Variants in IKZF1 observed in about 807,000 individuals in gnomAD.
IKZF1 encodes DNA-binding protein Ikaros.
A neutral mutation model predicts 51.7 loss-of-function variants in IKZF1; 10 were observed. That is an observed-to-expected ratio of 0.19 (90% confidence interval 0.12 to 0.33). The LOEUF is 0.33. IKZF1 is among the 10% of genes least tolerant of loss of function. The probability of loss-of-function intolerance (pLI) is 1.00; values close to 1 mark genes in which losing one functional copy is unlikely to be tolerated. For synonymous variants in IKZF1, 280 were observed against 282.3 expected (o/e 0.99, Z 0.08); for missense variants, 484 against 707.5 (o/e 0.68, Z 3.58).
At chr7:50,355,084 C>T (rs946687249) in intron 3 of IKZF1, among the ~76,000 whole-genome samples, 1 of 152,108 alleles carries the variant, frequency 6.6e-6, no homozygotes, top group Non-Finnish European at 1.5e-5. Flanking sequence ...GATGACCAGC[C>T]TCATGCCTCT....
chr7:50,320,371 A>G (rs1365198740), intron 2 of IKZF1, among the ~76,000 whole-genome samples: 2 of 152,222 alleles, frequency 1.3e-5, no homozygotes, highest in East Asian at 1.9e-4. Flanking sequence ...TATACAATGT[A>G]TAGTAATCGG....
chr7:50,382,801 A>G, intron 5 of IKZF1, 94 bp downstream of exon 5: 1 of 1,434,324 alleles, frequency 7.0e-7, no homozygotes, highest in Non-Finnish European at 9.3e-7. Flanking sequence ...TTGCTGGCTA[A>G]CCCTGAGTCC....
chr7:50,370,515 C>T (rs1236625845), intron 3 of IKZF1, among the ~76,000 whole-genome samples: 1 of 152,198 alleles, frequency 6.6e-6, no homozygotes, highest in East Asian at 1.9e-4. Context: ...TGGGGTCTCT[C>T]TTAGTACTGT....
intron 3 of IKZF1, among the ~76,000 whole-genome samples, chr7:50,334,033 C>T (rs997532361): frequency 6.6e-6 from 1 of 152,236 alleles, no homozygotes; most frequent in Non-Finnish European, 1.5e-5. Context: ...CATCATGTAA[C>T]AGGTTCATTG....
At chr7:50,337,534 C>T (rs1027156278) in intron 3 of IKZF1, among the ~76,000 whole-genome samples, 38 of 152,308 alleles carry the variant, frequency 2.5e-4, no homozygotes, top group Non-Finnish European at 4.9e-4. Flanking sequence ...CGTCACCACT[C>T]GTAGATGAAG....
At chr7:50,307,913 A>C (rs893433289) in intron 1 of IKZF1, among the ~76,000 whole-genome samples, 7 of 152,194 alleles carry the variant, frequency 4.6e-5, no homozygotes, top group African/African-American at 1.7e-4. Context: ...AGCTGTTTTT[A>C]CTGTAGTGCT....
Position 50,400,081 on chromosome 7 carries a change from C to T in IKZF1, c.1014C>T (p.Ser338=), listed in dbSNP as rs775109088. 6.3e-7 allele frequency: 1 copy of T among 1,580,440 alleles called. No individual in the cohort carries two copies. Among genetic ancestry groups the T allele is most frequent in the South Asian group, 1.2e-5 (1 of 86,744 alleles). Residue 338 remains serine (S), a synonymous_variant, in exon 8 of 8, where the codon TCC becomes TCT. Transcript: ENST00000331340. The surrounding 1 kb of genome is among the most constrained non-coding windows in gnomAD (Gnocchi z 5.4). The stretch of plus-strand genomic sequence containing the variant: ...TGGTGCAGACGCCCCCGGGCGGTTC[C>T]GAGGTGGTCCCGGTCATCAGCCCGA... ...RPLVQTPPGG[S]EVVPVISPMY...
At chr7:50,367,396 T>A (rs1584818574) in intron 3 of IKZF1, among the ~76,000 whole-genome samples, 2 of 152,288 alleles carry the variant, frequency 1.3e-5, no homozygotes, top group South Asian at 4.1e-4. Context: ...GCTGGGAAAC[T>A]GTCCTGTGAA....
chr7:50,307,900 C>G (rs1789193735), intron 1 of IKZF1, among the ~76,000 whole-genome samples: 1 of 152,120 alleles, frequency 6.6e-6, no homozygotes, highest in Admixed American at 6.5e-5. Context: ...TCGACAGTAA[C>G]AAAGCTGTTT....
chr7:50,356,816 GCA>G (rs1803550262), intron 3 of IKZF1, among the ~76,000 whole-genome samples: 1 of 152,122 alleles, frequency 6.6e-6, no homozygotes, highest in Admixed American at 6.5e-5. Flanking sequence ...TGACACACAA[GCA>G]CAGTGTCACA....
Position 50,400,062 on chromosome 7 carries a change from A to C in IKZF1, c.995A>C (p.Gln332Pro). Residue 332 changes from glutamine to proline, a missense_variant, in exon 8 of 8, where the codon CAG (glutamine) becomes CCG (proline). Physicochemically the swap from Gln to Pro is moderately conservative, Grantham distance 76. Around this residue, in one of 6 missense-constraint regions of IKZF1, gnomAD observed 172 missense variants for 192.7 expected, o/e 0.89. Transcript: ENST00000331340. This position sits in a 1 kb window ranked among gnomAD's most constrained non-coding sequence, Gnocchi z 5.4. ...GCCGAGTCCCTGCGCCCGCTGGTGCAGACGCCCCCGGGCGGTTCCGAGGTG... is the reference window on the plus strand; with the variant it reads ...GCCGAGTCCCTGCGCCCGCTGGTGCCGACGCCCCCGGGCGGTTCCGAGGTG... ...LGAESLRPLV[Q>P]TPPGGSEVVP... 6.2e-7 allele frequency: 1 copy of C among 1,601,296 alleles called. No individual in the cohort carries two copies. Among genetic ancestry groups the C allele is most frequent in the South Asian group, 1.1e-5 (1 of 88,974 alleles).
At chr7:50,320,588 C>T (rs1313132140) in intron 2 of IKZF1, among the ~76,000 whole-genome samples, 1 of 152,166 alleles carries the variant, frequency 6.6e-6, no homozygotes, top group African/African-American at 2.4e-5. Context: ...TTCCACTCCC[C>T]CGACCTTTCC....
At chr7:50,357,353 C>A (rs1050678901) in intron 3 of IKZF1, among the ~76,000 whole-genome samples, 51 of 150,152 alleles carry the variant, frequency 3.4e-4, no homozygotes, top group Non-Finnish European at 5.8e-4. Flanking sequence ...CCACCACCCC[C>A]CCACCGCCAA....
At chr7:50,312,016 T>C (rs1790301073) in intron 1 of IKZF1, among the ~76,000 whole-genome samples, 1 of 152,150 alleles carries the variant, frequency 6.6e-6, no homozygotes, top group South Asian at 2.1e-4. Flanking sequence ...TTAGAGGCAG[T>C]TTCTGTGTTT....
intron 3 of IKZF1, among the ~76,000 whole-genome samples, chr7:50,345,053 A>G (rs1385431462): frequency 2.0e-5 from 3 of 152,036 alleles, no homozygotes; most frequent in Non-Finnish European, 4.4e-5. Flanking sequence ...AGGAATGAAT[A>G]TTTTAAGCTT....
chr7:50,367,214 C>G (rs907810022), intron 3 of IKZF1, among the ~76,000 whole-genome samples: 1 of 152,204 alleles, frequency 6.6e-6, no homozygotes, highest in Non-Finnish European at 1.5e-5. Context: ...AGTCTTTACT[C>G]TGCTAACCTA....
intron 5 of IKZF1, 62 bp downstream of exon 5, chr7:50,382,769 G>A (rs373090787): frequency 1.8e-5 from 27 of 1,527,718 alleles, no homozygotes; most frequent in Middle Eastern, 2.3e-4. Flanking sequence ...CACTCTGCCC[G>A]CCTGGGTCCC....
intron 6 of IKZF1, 36 bp downstream of exon 6, chr7:50,387,506 T>C: frequency 1.3e-6 from 2 of 1,586,522 alleles, no homozygotes; most frequent in Non-Finnish European, 1.7e-6. Context: ...CCTGGTGGGC[T>C]CTCCCCCCAG....
intron 3 of IKZF1, among the ~76,000 whole-genome samples, chr7:50,335,955 T>C (rs1797676186): frequency 1.3e-5 from 2 of 152,010 alleles, no homozygotes; most frequent in African/African-American, 4.8e-5. Flanking sequence ...CTGGCTGTCA[T>C]GTCTGTGAAG....
Sources: allele counts gnomAD v4.1 joint callset (sites outside exome capture counted in the v4.1 genomes callset), GRCh38; gene constraint gnomAD v4.1.1; regional missense constraint gnomAD v4.1.1; non-coding constraint Gnocchi (gnomAD v3.1); transcripts MANE v1.5; gene names NCBI Gene and HGNC (gene_info 2026-07-23, HGNC 2026-07-21).